PPIG: variants seen among roughly 807,000 people sequenced by gnomAD.
The protein encoded by PPIG is peptidylprolyl isomerase G.
A neutral mutation model predicts 87.9 loss-of-function variants in PPIG; 26 were observed. That is an observed-to-expected ratio of 0.30 (90% confidence interval 0.22 to 0.41). PPIG has a LOEUF of 0.41. PPIG is among the 10% of genes least tolerant of loss of function. PPIG has a pLI of 1.00. For missense variants in PPIG, 722 were observed against 879.4 expected (o/e 0.82, Z 2.26); for synonymous variants, 308 against 276.5 (o/e 1.11, Z -1.13).
intron 6 of PPIG, 123 bp downstream of exon 6, chr2:169,607,271 T>C (rs1008913375): frequency 1.2e-5 from 7 of 566,064 alleles, no homozygotes; most frequent in Admixed American, 6.3e-5. Context: ...CTTCAACTAA[T>C]CTGAAGGTTA....
At chr2:169,635,755 T>A (rs1201811732) in intron 12 of PPIG, among the ~76,000 whole-genome samples, 3 of 152,226 alleles carry the variant, frequency 2.0e-5, no homozygotes, top group African/African-American at 7.2e-5. Context: ...GTTAGGACTC[T>A]TCCATGGAGA....
rs780982137 is a variant in PPIG at position 169,636,234 on chromosome 2, A to T, written c.1154+6A>T. The T allele has an allele frequency of 2.5e-6, 4 of 1,583,790 alleles. No homozygotes were observed. The highest frequency in any genetic ancestry group is 3.4e-6 in the Non-Finnish European group (4 of 1,171,076). The stretch of plus-strand genomic sequence containing the variant: ...AGATGGATCAAGGGGGATAAGTAAG[A>T]TTTAACTATTATTATTTCAAATGTA... On this transcript the variant is annotated splice_donor_region_variant and intron_variant, in intron 13 of 13. Coordinates refer to ENST00000260970, the MANE Select transcript of PPIG (RefSeq NM_004792.3).
chr2:169,632,751 A>G (rs914287350), intron 11 of PPIG, among the ~76,000 whole-genome samples: 1 of 151,170 alleles, frequency 6.6e-6, no homozygotes, highest in East Asian at 1.9e-4. Context: ...TCTCAAAAAT[A>G]ATAATAATAA....
At chr2:169,598,406 T>C (rs1209257285) in intron 1 of PPIG, among the ~76,000 whole-genome samples, 1 of 152,156 alleles carries the variant, frequency 6.6e-6, no homozygotes, top group Non-Finnish European at 1.5e-5. Flanking sequence ...TTCTCCTGCC[T>C]CAGCCTCCTG....
intron 9 of PPIG, among the ~76,000 whole-genome samples, chr2:169,623,206 C>A (rs1677789765): frequency 6.6e-6 from 1 of 152,168 alleles, no homozygotes; most frequent in African/African-American, 2.4e-5. Context: ...CAGCAAAGGG[C>A]TGTCAAAAGT....
At chr2:169,588,171 T>TAAAAA (rs1185467279) in intron 1 of PPIG, among the ~76,000 whole-genome samples, 1 of 151,804 alleles carries the variant, frequency 6.6e-6, no homozygotes, top group Non-Finnish European at 1.5e-5. Flanking sequence ...CTCAAAAAAT[T>TAAAAA]AAAAATAAAA....
At chr2:169,594,920 C>A (rs1684978575) in intron 1 of PPIG, among the ~76,000 whole-genome samples, 1 of 151,704 alleles carries the variant, frequency 6.6e-6, no homozygotes, top group African/African-American at 2.4e-5. Context: ...CCATGCCTGG[C>A]AGTTTTATTT....
chr2:169,631,562 C>G, intron 10 of PPIG: 1 of 1,326,040 alleles, frequency 7.5e-7, no homozygotes, highest in Non-Finnish European at 9.6e-7. Flanking sequence ...GTGTGATAAT[C>G]GAAACGTTTT....
chr2:169,600,590 G>A (rs1685152776), intron 1 of PPIG, among the ~76,000 whole-genome samples: 1 of 152,070 alleles, frequency 6.6e-6, no homozygotes, highest in African/African-American at 2.4e-5. Flanking sequence ...CAGATTTGGG[G>A]TTTTCAGATT....
chr2:169,636,382 C>T, intron 13 of PPIG, 31 bp from the exon 14 acceptor site: 1 of 1,490,480 alleles, frequency 6.7e-7, no homozygotes, highest in East Asian at 2.3e-5. Context: ...TTCCTAATAA[C>T]ATTTCCCCAA....
chr2:169,612,144 C>A (rs919728835), intron 7 of PPIG, among the ~76,000 whole-genome samples: 9 of 151,946 alleles, frequency 5.9e-5, no homozygotes, highest in African/African-American at 2.2e-4. Context: ...CCTAGTGAGT[C>A]ATGTGTATTC....
At chr2:169,612,026 A>G (rs1574451319) in intron 7 of PPIG, among the ~76,000 whole-genome samples, 2 of 152,174 alleles carry the variant, frequency 1.3e-5, no homozygotes, top group East Asian at 3.8e-4. Flanking sequence ...CCCAAGCTAG[A>G]GTGCAGTGGC....
rs552656574 is a variant in PPIG, at chr2:169,609,013, G to A, written c.377+255G>A. Among the ~76,000 whole-genome samples, 4 of 151,296 alleles carry A rather than the reference G, an allele frequency of 2.6e-5. No homozygotes were observed. The South Asian group carries it at 8.4e-4, about 32-fold the overall frequency. ...GCAGGAGAATGGCGTGAACCCGGGA[G>A]GGGGAGCTTACAGTGAGCTGAGATT... On this transcript the variant is annotated intron_variant, in intron 7 of 13. Coordinates refer to ENST00000260970, the MANE Select transcript of PPIG (RefSeq NM_004792.3).
rs1457510054 is a variant in PPIG, at chr2:169,584,440, A to G, written c.-120A>G. 6.4e-6 allele frequency: 3 copies of G among 470,908 alleles called. No homozygotes were observed. In the Admixed American group the frequency reaches 7.1e-5, roughly 11 times the overall value. The allele number at this position is 470,908 out of a possible 1,614,324, so 29.2% of individuals were successfully genotyped here. ...GCCTTTTCTGGCGGCGGTAGATTTG[A>G]AGCGCTTCAAAGGACCGGACCCAGA... On this transcript the variant is annotated 5_prime_UTR_variant, in exon 1 of 14. Coordinates refer to ENST00000260970, the MANE Select transcript of PPIG (RefSeq NM_004792.3).
intron 4 of PPIG, 40 bp downstream of exon 4, chr2:169,604,301 T>A (rs1685259764): frequency 1.6e-6 from 2 of 1,268,518 alleles, no homozygotes; most frequent in Non-Finnish European, 2.3e-6. Flanking sequence ...GTAGTCTCAG[T>A]TGACTATGGC....
chr2:169,596,639 T>C (rs1325109842), intron 1 of PPIG, among the ~76,000 whole-genome samples: 2 of 152,170 alleles, frequency 1.3e-5, no homozygotes, highest in Non-Finnish European at 2.9e-5. Context: ...AGTCACCTAA[T>C]GCAGCAGTCC....
chr2:169,636,194 G>A lies in PPIG; in HGVS notation c.1120G>A (p.Val374Ile). The change falls in exon 13 of 14, where the codon GTA (valine) becomes ATA (isoleucine). Residue 374 changes from valine to isoleucine, a missense_variant. Coordinates refer to ENST00000260970, the MANE Select transcript of PPIG (RefSeq NM_004792.3). ...GATGCAGAGAGCTCAAAGAATGAGG[G>A]TATCAAGTGGTGAAAGATGGATCAA... ...QEMQRAQRMR[V>I]SSGERWIKGD... is the part of the protein sequence containing the mutation. 6.2e-7 allele frequency: 1 copy of A among 1,610,014 alleles called. No homozygotes were observed. Among genetic ancestry groups the A allele is most frequent in the Non-Finnish European group, 8.5e-7 (1 of 1,178,940 alleles).
At chr2:169,601,529 A>G (rs1267707663) in intron 1 of PPIG, among the ~76,000 whole-genome samples, 1 of 152,226 alleles carries the variant, frequency 6.6e-6, no homozygotes, top group Non-Finnish European at 1.5e-5. Context: ...ACAGTAGACT[A>G]GGAATGGGCC....
chr2:169,603,538 AG>A (rs1344327397), intron 1 of PPIG, 103 bp from the exon 2 acceptor site: 5 of 22,066 alleles, frequency 2.3e-4, no homozygotes, highest in African/African-American at 7.8e-4. Flanking sequence ...ATTTAACAAT[AG>A]TTAAATAGTA....
Sources: allele counts gnomAD v4.1 joint callset (sites outside exome capture counted in the v4.1 genomes callset), GRCh38; gene constraint gnomAD v4.1.1; transcripts MANE v1.5; gene names NCBI Gene and HGNC (gene_info 2026-07-23, HGNC 2026-07-21).